Variants in ZFHX3 observed in about 807,000 individuals in gnomAD.
ZFHX3 encodes zinc finger homeobox 3, also known as zinc finger homeobox protein 3.
Under a neutral mutation model 279.1 loss-of-function variants are expected in ZFHX3, and 42 were observed. That is an observed-to-expected ratio of 0.15 (90% CI 0.12 to 0.19). The LOEUF is 0.19. Among genes scored for constraint, ZFHX3 ranks in the 10% least tolerant of loss-of-function variants. ZFHX3 has a pLI of 1.00. For missense variants in ZFHX3, 4,981 were observed against 4,754.0 expected, an observed-to-expected ratio of 1.05 and a Z score of -1.40; for synonymous variants, 2,293 against 1,957.8, an observed-to-expected ratio of 1.17 and a Z score of -4.52.
At chr16:72,852,533 A>G (rs2037642676) in intron 4 of ZFHX3, among the ~76,000 whole-genome samples, 1 of 152,238 alleles carries the variant, frequency 6.6e-6, no homozygotes, top group Non-Finnish European at 1.5e-5. Flanking sequence ...GGCACAAAAA[A>G]GATAATGTCC....
intron 4 of ZFHX3, among the ~76,000 whole-genome samples, chr16:72,858,921 T>C (rs1247820768): frequency 6.6e-6 from 1 of 152,154 alleles, no homozygotes; most frequent in African/African-American, 2.4e-5. Context: ...AGACAGCTCA[T>C]CTAGAAAGCT....
chr16:72,816,383 G>A (rs1431617647), intron 5 of ZFHX3, among the ~76,000 whole-genome samples: 3 of 152,200 alleles, frequency 2.0e-5, no homozygotes, highest in African/African-American at 7.2e-5. Flanking sequence ...GGATAAAAAT[G>A]TGGTAAGGAA....
At chr16:73,406,359 C>A (rs552860645) in intron 3 of ZFHX3, among the ~76,000 whole-genome samples, 1 of 152,292 alleles carries the variant, frequency 6.6e-6, no homozygotes, top group South Asian at 2.1e-4. Flanking sequence ...CCCCAGGAAC[C>A]GTCACAGAGT....
intron 4 of ZFHX3, among the ~76,000 whole-genome samples, chr16:73,260,062 G>A (rs528040085): frequency 1.3e-5 from 2 of 151,936 alleles, no homozygotes; most frequent in African/African-American, 4.8e-5. Context: ...ATTTCATTTA[G>A]CATGGAATAA....
intron 3 of ZFHX3, among the ~76,000 whole-genome samples, chr16:73,359,827 G>A (rs765599733): frequency 3.9e-5 from 6 of 152,186 alleles, no homozygotes; most frequent in African/African-American, 9.7e-5. Context: ...GGGAGAAGCC[G>A]CTAATTTGAT....
At chr16:72,954,252 C>G (rs938963573) in intron 2 of ZFHX3, among the ~76,000 whole-genome samples, 1 of 152,158 alleles carries the variant, frequency 6.6e-6, no homozygotes, top group Non-Finnish European at 1.5e-5. Flanking sequence ...TGCCTGTAAT[C>G]CCAGCTACTC....
At chr16:73,454,473 G>A (rs1317782836) in intron 3 of ZFHX3, among the ~76,000 whole-genome samples, 2 of 150,826 alleles carry the variant, frequency 1.3e-5, no homozygotes, top group Non-Finnish European at 2.9e-5. Context: ...ACAGTAATGG[G>A]ACCATTCAAG....
In ZFHX3 at chr16:73,592,388, ATAT is replaced by A. The variant is rs1210062623; in HGVS notation, c.-1547+87789_-1547+87791del. Among the ~76,000 whole-genome samples the A allele has an allele frequency of 5.9e-5, 9 of 152,304 alleles. No individual in the cohort carries two copies. The East Asian group carries it at 1.2e-3, about 20-fold the overall frequency. Reference sequence around the variant, plus strand: ...GGGGGTGGGATGTGGAAGAAATAAGATATTATGATTGACAGTTGCTAAAACTGG... The same window carrying A: ...GGGGGTGGGATGTGGAAGAAATAAGATATGATTGACAGTTGCTAAAACTGG... On this transcript the variant is annotated intron_variant, in intron 2 of 17. Transcript: ENST00000641206.
At chr16:72,831,170 A>G (rs1278593426) in intron 4 of ZFHX3, among the ~76,000 whole-genome samples, 3 of 152,216 alleles carry the variant, frequency 2.0e-5, no homozygotes, top group African/African-American at 7.2e-5. Flanking sequence ...GAAGGAAGTA[A>G]CAGGAGTACA....
intron 1 of ZFHX3, chr16:73,809,676 T>A (rs1440112516): frequency 6.6e-6 from 1 of 152,218 alleles, no homozygotes; most frequent in African/African-American, 2.4e-5. Context: ...CTCACCCTCA[T>A]CAGTCTCCAG....
At chr16:73,257,391 C>T (rs2013690008) in intron 4 of ZFHX3, among the ~76,000 whole-genome samples, 1 of 152,150 alleles carries the variant, frequency 6.6e-6, no homozygotes, top group Non-Finnish European at 1.5e-5. Flanking sequence ...GGAAGATTAG[C>T]CCATGGACTT....
rs116469504 is a variant in ZFHX3, at chr16:73,109,398, C to T, written c.-896-15800G>A. Among the ~76,000 whole-genome samples, 1,029 of 152,236 alleles carry T rather than the reference C, an allele frequency of 6.8e-3. 8 individuals are homozygous for T. The highest frequency in any genetic ancestry group is 0.024 in the African/African-American group (995 of 41,522). On this transcript the variant is annotated intron_variant, in intron 7 of 17. Transcript: ENST00000641206. Reference sequence around the variant, plus strand: ...AACAAAGCCAAATACATTTAACCAACATAAATGTGATTGAACATTTTGGCC... The same window carrying T: ...AACAAAGCCAAATACATTTAACCAATATAAATGTGATTGAACATTTTGGCC...
At chr16:73,702,690 G>T (rs56213920) in intron 1 of ZFHX3, among the ~76,000 whole-genome samples, 3,034 of 152,178 alleles carry the variant, frequency 0.02, 37 homozygotes, top group Non-Finnish European at 0.032. Context: ...CAGAATTCAG[G>T]GGTTGGGTCC....
intron 4 of ZFHX3, among the ~76,000 whole-genome samples, chr16:72,885,702 G>A (rs1451610827): frequency 6.6e-6 from 1 of 152,188 alleles, no homozygotes; most frequent in Admixed American, 6.5e-5. Context: ...AAGGACAAGG[G>A]GTTATTTCTG....
At chr16:73,585,489 T>C (rs924385056) in intron 2 of ZFHX3, among the ~76,000 whole-genome samples, 1 of 152,070 alleles carries the variant, frequency 6.6e-6, no homozygotes, top group Non-Finnish European at 1.5e-5. Context: ...AAATAGCTAA[T>C]GCATGTGGGG....
intron 1 of ZFHX3, among the ~76,000 whole-genome samples, chr16:73,777,383 G>A (rs766352599): frequency 1.1e-4 from 17 of 151,752 alleles, no homozygotes; most frequent in Non-Finnish European, 2.4e-4. Flanking sequence ...CGTGCCTGTA[G>A]TCTCAGCTAC....
intron 3 of ZFHX3, among the ~76,000 whole-genome samples, chr16:72,927,373 C>A (rs1038154470): frequency 6.6e-6 from 1 of 152,172 alleles, no homozygotes; most frequent in Admixed American, 6.5e-5. Flanking sequence ...TTCATTCTCC[C>A]GCTGGGATGG....
chr16:73,811,779 C>T (rs1960434133), intron 1 of ZFHX3, among the ~76,000 whole-genome samples: 1 of 152,046 alleles, frequency 6.6e-6, no homozygotes, highest in East Asian at 1.9e-4. Context: ...GACTACCTAT[C>T]TCATAATGAC....
chr16:73,161,669 C>G (rs1038484824), intron 5 of ZFHX3, among the ~76,000 whole-genome samples: 2 of 152,196 alleles, frequency 1.3e-5, no homozygotes, highest in African/African-American at 4.8e-5. Context: ...TCGGCCCCTT[C>G]TAAGACCTAC....
Sources: allele counts gnomAD v4.1 joint callset (sites outside exome capture counted in the v4.1 genomes callset), GRCh38; gene constraint gnomAD v4.1.1; transcripts MANE v1.5; gene names NCBI Gene and HGNC (gene_info 2026-07-23, HGNC 2026-07-21).